The following HMGCLL1 variants were observed in gnomAD, a reference collection of about 807,000 sequenced individuals.
The protein encoded by HMGCLL1 is 3-hydroxy-3-methylglutaryl-CoA lyase like 1, also known as 3-hydroxymethyl-3-methylglutaryl-CoA lyase, cytoplasmic.
A neutral mutation model predicts 39.1 loss-of-function variants in HMGCLL1; 36 were observed. The ratio of observed to expected loss-of-function variants is 0.92; its 90% CI spans 0.71 to 1.22. The LOEUF (loss-of-function observed/expected upper bound fraction) is 1.22. Among genes scored for constraint, HMGCLL1 ranks in the 50% most tolerant of loss-of-function variants. The pLI, the probability that HMGCLL1 is intolerant of heterozygous loss-of-function variation, is 0.00. For missense variants in HMGCLL1, 451 were observed against 416.5 expected, an observed-to-expected ratio of 1.08 and a Z score of -0.72; for synonymous variants, 149 against 144.0, an observed-to-expected ratio of 1.03 and a Z score of -0.25.
chr6:55,649,137 G>A, the HMGCLL1 span, among the ~76,000 whole-genome samples: 1 of 152,022 alleles, frequency 6.6e-6, no homozygotes, highest in East Asian at 1.9e-4. Flanking sequence ...ACAGTGTTAT[G>A]ATATTCTGTG....
intron 1 of HMGCLL1, among the ~76,000 whole-genome samples, chr6:55,544,995 T>A (rs139000011): frequency 2.0e-5 from 3 of 152,126 alleles, no homozygotes; most frequent in African/African-American, 7.2e-5. Context: ...AAATAAAATA[T>A]ATGACATGGG....
the HMGCLL1 span, among the ~76,000 whole-genome samples, chr6:55,589,609 G>A: frequency 2.0e-5 from 3 of 151,992 alleles, no homozygotes; most frequent in East Asian, 1.9e-4. Context: ...AGGAAGTCAA[G>A]TTGTCCCTGT....
At chr6:55,500,905 C>A (rs1766848290) in intron 5 of HMGCLL1, among the ~76,000 whole-genome samples, 1 of 151,782 alleles carries the variant, frequency 6.6e-6, no homozygotes, top group Non-Finnish European at 1.5e-5. Flanking sequence ...AATAGAAAAT[C>A]CAAGGTATTT....
intron 1 of HMGCLL1, among the ~76,000 whole-genome samples, chr6:55,543,443 G>C (rs62407363): frequency 3.8e-4 from 6 of 15,956 alleles, no homozygotes; most frequent in South Asian, 2.1e-3. Flanking sequence ...TATCATATAT[G>C]ATATATATGA....
intron 1 of HMGCLL1, among the ~76,000 whole-genome samples, chr6:55,562,023 A>G (rs1222936906): frequency 1.3e-5 from 2 of 152,130 alleles, no homozygotes; most frequent in African/African-American, 4.8e-5. Flanking sequence ...AATAAACCAC[A>G]GTGGTTGATT....
chr6:55,638,233 C>G, the HMGCLL1 span, among the ~76,000 whole-genome samples: 1 of 151,702 alleles, frequency 6.6e-6, no homozygotes. Context: ...TAGTGAAACC[C>G]CGTCTCTACT....
chr6:55,484,236 C>T lies in HMGCLL1; in HGVS notation c.795+11183G>A, dbSNP rs535371448. ...CGTGACCCATATATAGCATTTAACA[C>T]CTCTTTCTTCTTGAAACCCTTTTTT... On this transcript the variant is annotated intron_variant, in intron 7 of 8. Coordinates refer to ENST00000274901, the MANE Select transcript of HMGCLL1 (RefSeq NM_001042406.2). Among the ~76,000 whole-genome samples the T allele has an allele frequency of 1.3e-3, 193 of 152,150 alleles. 1 individual carries two copies. Among genetic ancestry groups the T allele is most frequent in the African/African-American group, 4.4e-3 (182 of 41,528 alleles).
intron 7 of HMGCLL1, among the ~76,000 whole-genome samples, chr6:55,444,408 T>C (rs746998970): frequency 2.4e-4 from 37 of 152,044 alleles, no homozygotes; most frequent in Non-Finnish European, 5.0e-4. Flanking sequence ...TATATCTATA[T>C]AAAGACTCAT....
intron 7 of HMGCLL1, 31 bp downstream of exon 7, chr6:55,495,388 A>G (rs1479936619): frequency 1.3e-6 from 2 of 1,537,926 alleles, no homozygotes; most frequent in East Asian, 2.3e-5. Flanking sequence ...CACCCTATGC[A>G]CACACATAAC....
In HMGCLL1 at chr6:55,435,610, G is replaced by C; in HGVS notation, c.*52C>G. ...GTTGGCATTAATGATTTTCAGATGA[G>C]TATTGTAGCTGAAATTGATCTTCTC... On this transcript the variant is annotated 3_prime_UTR_variant, in exon 9 of 9. Coordinates refer to ENST00000274901, the MANE Select transcript of HMGCLL1 (RefSeq NM_001042406.2). The C allele has an allele frequency of 2.0e-6, 2 of 988,212 alleles. No individual in the cohort carries two copies. The highest frequency in any genetic ancestry group is 1.5e-6 in the Non-Finnish European group (1 of 648,200). 61.2% of individuals were successfully genotyped at this position (988,212 alleles called of 1,614,324 possible).
At chr6:55,514,340 T>C in intron 4 of HMGCLL1, 144 bp from the exon 5 acceptor site, 1 of 578,764 alleles carries the variant, frequency 1.7e-6, no homozygotes, top group South Asian at 2.7e-5. Context: ...TCCTCTCATC[T>C]TGCCACATAT....
chr6:55,647,903 A>C, the HMGCLL1 span, among the ~76,000 whole-genome samples: 1 of 106,266 alleles, frequency 9.4e-6, no homozygotes, highest in East Asian at 2.7e-4. Context: ...ATATCTCCCA[A>C]TGCTATCCCT....
intron 3 of HMGCLL1, among the ~76,000 whole-genome samples, chr6:55,518,827 C>T (rs1197285703): frequency 1.3e-5 from 2 of 152,128 alleles, no homozygotes; most frequent in Non-Finnish European, 2.9e-5. Context: ...GCCCTAGACA[C>T]TGAAGACCAG....
chr6:55,677,254 A>C, the HMGCLL1 span, among the ~76,000 whole-genome samples: 1 of 152,130 alleles, frequency 6.6e-6, no homozygotes, highest in African/African-American at 2.4e-5. Context: ...GCCAGGCATG[A>C]CGCTGCACAC....
chr6:55,506,467 G>T (rs1767168571), intron 5 of HMGCLL1, among the ~76,000 whole-genome samples: 1 of 151,566 alleles, frequency 6.6e-6, no homozygotes, highest in Non-Finnish European at 1.5e-5. Context: ...TTTACTTTCT[G>T]CAGTCTTAGT....
At chr6:55,625,180 A>C in the HMGCLL1 span, among the ~76,000 whole-genome samples, 1 of 152,074 alleles carries the variant, frequency 6.6e-6, no homozygotes, top group East Asian at 1.9e-4. Flanking sequence ...CTGGCCTGTT[A>C]ATGGGCTTTT....
the HMGCLL1 span, among the ~76,000 whole-genome samples, chr6:55,592,547 C>T: frequency 5.3e-5 from 8 of 151,910 alleles, no homozygotes; most frequent in African/African-American, 1.4e-4. Flanking sequence ...GGGTGGTGTC[C>T]TGTGCATGGT....
Position 55,499,272 on chromosome 6 carries a change from T to G in HMGCLL1, c.570A>C (p.Pro190=). 6.2e-7 allele frequency: 1 copy of G among 1,610,768 alleles called. No individual in the cohort carries two copies. The highest frequency in any genetic ancestry group is 8.5e-7 in the Non-Finnish European group (1 of 1,178,260). ...TTTGCGGTGTAATACTTCCTTCATATGGACAGCCCAGAGCACAAGACACAT... is the reference window on the plus strand; with the variant it reads ...TTTGCGGTGTAATACTTCCTTCATAGGGACAGCCCAGAGCACAAGACACAT... ...RGYVSCALGC[P]YEGSITPQKV... Residue 190 remains proline (P), a synonymous_variant, in exon 6 of 9, where the codon CCA becomes CCC. Transcript: ENST00000274901.
the HMGCLL1 span, among the ~76,000 whole-genome samples, chr6:55,667,720 T>C: frequency 6.6e-6 from 1 of 151,780 alleles, no homozygotes; most frequent in African/African-American, 2.4e-5. Context: ...TATAAAATAT[T>C]TTCCTTATCT....
Sources: allele counts gnomAD v4.1 joint callset (sites outside exome capture counted in the v4.1 genomes callset), GRCh38; gene constraint gnomAD v4.1.1; transcripts MANE v1.5; gene names NCBI Gene and HGNC (gene_info 2026-07-23, HGNC 2026-07-21).